RBFOX1: variants seen among roughly 807,000 people sequenced by gnomAD.
RBFOX1 encodes RNA binding fox-1 homolog 1, also known as RNA binding protein fox-1 homolog 1.
A neutral mutation model predicts 57.7 loss-of-function variants in RBFOX1; 8 were observed. The ratio of observed to expected loss-of-function variants is 0.14; its 90% CI spans 0.08 to 0.25. The LOEUF is 0.25. Among genes scored for constraint, RBFOX1 ranks in the 10% least tolerant of loss-of-function variants. The pLI, the probability that RBFOX1 is intolerant of heterozygous loss-of-function variation, is 1.00. For missense variants in RBFOX1, 611 were observed against 548.5 expected (o/e 1.11, Z -1.14); for synonymous variants, 326 against 222.4 (o/e 1.47, Z -4.15).
intron 2 of RBFOX1, among the ~76,000 whole-genome samples, chr16:6,387,974 A>ATTTT (rs61603572): frequency 0.018 from 1,555 of 84,058 alleles, 92 homozygotes; most frequent in African/African-American, 0.062. Flanking sequence ...TTTGTGGAAC[A>ATTTT]TTTTTTTTTT....
At chr16:6,622,586 C>G (rs1035220287) in intron 2 of RBFOX1, among the ~76,000 whole-genome samples, 3 of 152,046 alleles carry the variant, frequency 2.0e-5, no homozygotes, top group Non-Finnish European at 2.9e-5. Context: ...TATCCTGACT[C>G]TTAAAGCAAC....
chr16:6,221,859 C>T (rs1186565295), intron 1 of RBFOX1, among the ~76,000 whole-genome samples: 1 of 152,156 alleles, frequency 6.6e-6, no homozygotes, highest in Non-Finnish European at 1.5e-5. Flanking sequence ...CAGTTTTCTC[C>T]ATTTTGTACC....
intron 3 of RBFOX1, among the ~76,000 whole-genome samples, chr16:6,947,360 C>T (rs889080262): frequency 2.6e-5 from 4 of 152,148 alleles, no homozygotes; most frequent in South Asian, 2.1e-4. Flanking sequence ...CACCTGGGTG[C>T]CTGAGCCTTT....
intron 2 of RBFOX1, among the ~76,000 whole-genome samples, chr16:5,515,575 TTTCC>T (rs950276219): frequency 6.6e-6 from 1 of 152,258 alleles, no homozygotes; most frequent in Non-Finnish European, 1.5e-5. Flanking sequence ...GGAAGATGTA[TTTCC>T]TTCATTACTA....
chr16:6,904,743 T>C (rs1189966148), intron 3 of RBFOX1, among the ~76,000 whole-genome samples: 2 of 152,064 alleles, frequency 1.3e-5, no homozygotes, highest in Non-Finnish European at 2.9e-5. Flanking sequence ...ACCCTCGCCT[T>C]GCACCTGCTG....
At chr16:6,758,759 C>G (rs1379337106) in intron 3 of RBFOX1, among the ~76,000 whole-genome samples, 4 of 152,096 alleles carry the variant, frequency 2.6e-5, no homozygotes, top group Admixed American at 6.5e-5. Context: ...GACTACAGGT[C>G]TTTTAAAACT....
chr16:6,816,161 A>G (rs1446159657), intron 3 of RBFOX1, among the ~76,000 whole-genome samples: 1 of 152,106 alleles, frequency 6.6e-6, no homozygotes, highest in African/African-American at 2.4e-5. Flanking sequence ...TTTATTTTTA[A>G]TTAGGTAGGT....
chr16:6,538,691 C>G (rs1407524557), intron 2 of RBFOX1, among the ~76,000 whole-genome samples: 3 of 152,120 alleles, frequency 2.0e-5, no homozygotes, highest in East Asian at 1.9e-4. Context: ...GGAGTTAAAC[C>G]AAGGTAAACA....
At chr16:7,107,421 G>C (rs189244505) in intron 4 of RBFOX1, among the ~76,000 whole-genome samples, 3 of 152,126 alleles carry the variant, frequency 2.0e-5, no homozygotes, top group African/African-American at 4.8e-5. Flanking sequence ...AGGATTCCTC[G>C]ATTCTTGTAC....
At chr16:7,190,774 T>C (rs28634242) in intron 4 of RBFOX1, among the ~76,000 whole-genome samples, 15,294 of 152,242 alleles carry the variant, frequency 0.1, 844 homozygotes, top group African/African-American at 0.11. Flanking sequence ...TTCGGGTTTA[T>C]GGCATTGCTC....
At chr16:6,974,340 T>C (rs1464224059) in intron 3 of RBFOX1, among the ~76,000 whole-genome samples, 2 of 101,500 alleles carry the variant, frequency 2.0e-5, no homozygotes, top group Admixed American at 9.0e-5. Context: ...CTTTTTCTTT[T>C]TTTTTTTTTT....
At chr16:7,066,636 A>T (rs1351180) in intron 4 of RBFOX1, among the ~76,000 whole-genome samples, 110,534 of 151,924 alleles carry the variant, frequency 0.73, 40,676 homozygotes, top group East Asian at 0.91. Flanking sequence ...AGTGTAGACA[A>T]TTTCCCAAAA....
chr16:6,570,710 A>T (rs1749762793), intron 2 of RBFOX1, among the ~76,000 whole-genome samples: 1 of 152,146 alleles, frequency 6.6e-6, no homozygotes, highest in Non-Finnish European at 1.5e-5. Flanking sequence ...CCAACTTCCT[A>T]CTCAGGAAAA....
intron 4 of RBFOX1, among the ~76,000 whole-genome samples, chr16:7,194,410 C>A (rs1175944992): frequency 1.3e-5 from 2 of 152,164 alleles, no homozygotes; most frequent in African/African-American, 4.8e-5. Flanking sequence ...TACTAAGCAG[C>A]TGACAATTTA....
At chr16:6,108,083 A>G (rs1023839794) in intron 1 of RBFOX1, among the ~76,000 whole-genome samples, 1 of 152,222 alleles carries the variant, frequency 6.6e-6, no homozygotes, top group Non-Finnish European at 1.5e-5. Flanking sequence ...ATAAGAATCA[A>G]ATATCAAATG....
intron 3 of RBFOX1, among the ~76,000 whole-genome samples, chr16:5,681,284 C>T (rs2050325614): frequency 6.7e-6 from 1 of 149,514 alleles, no homozygotes; most frequent in Non-Finnish European, 1.5e-5. Flanking sequence ...CGGGGTTTCA[C>T]CATGTTAGCC....
At chr16:5,529,290 A>G (rs2044366198) in intron 2 of RBFOX1, among the ~76,000 whole-genome samples, 1 of 151,988 alleles carries the variant, frequency 6.6e-6, no homozygotes, top group Admixed American at 6.6e-5. Context: ...TTAAAACACC[A>G]CCTACCTTAG....
chr16:5,749,180 G>A (rs1026674979), intron 3 of RBFOX1, among the ~76,000 whole-genome samples: 7 of 152,098 alleles, frequency 4.6e-5, no homozygotes, highest in African/African-American at 1.2e-4. Context: ...CTTTAAGAAT[G>A]TTGAATATTG....
At chr16:7,425,069 C>T (rs1258572357) in intron 4 of RBFOX1, among the ~76,000 whole-genome samples, 1 of 152,018 alleles carries the variant, frequency 6.6e-6, no homozygotes. Context: ...TTGTCTGTAT[C>T]AAGTACTCAT....
Sources: allele counts gnomAD v4.1 joint callset (sites outside exome capture counted in the v4.1 genomes callset), GRCh38; gene constraint gnomAD v4.1.1; transcripts MANE v1.5; gene names NCBI Gene and HGNC (gene_info 2026-07-23, HGNC 2026-07-21).